Variants in PLCE1 observed in about 807,000 individuals in gnomAD.
The protein encoded by PLCE1 is phospholipase C epsilon 1.
In PLCE1, 119 loss-of-function variants were observed where a neutral mutation model predicts 242.8. The ratio of observed to expected loss-of-function variants is 0.49; its 90% CI spans 0.42 to 0.57. PLCE1 has a LOEUF of 0.57. Among genes scored for constraint, PLCE1 ranks in the 20% least tolerant of loss-of-function variants. The pLI, the probability that PLCE1 is intolerant of heterozygous loss-of-function variation, is 0.00. For synonymous variants in PLCE1, 945 were observed against 1,017.4 expected (o/e 0.93, Z 1.35); for missense variants, 2,441 against 2,788.8 (o/e 0.88, Z 2.81).
chr10:94,277,432 T>C (rs191075021), intron 19 of PLCE1, among the ~76,000 whole-genome samples: 2 of 152,274 alleles, frequency 1.3e-5, no homozygotes, highest in African/African-American at 4.8e-5. Flanking sequence ...AAGTAGGATA[T>C]TGCATAGAAG....
intron 5 of PLCE1, among the ~76,000 whole-genome samples, chr10:94,229,785 TTG>T (rs2050080941): frequency 6.6e-6 from 1 of 152,234 alleles, no homozygotes; most frequent in African/African-American, 2.4e-5. Flanking sequence ...CCAGTGCATT[TTG>T]TCTCACACCC....
chr10:94,163,401 C>T (rs2047682595), intron 3 of PLCE1, among the ~76,000 whole-genome samples: 1 of 152,140 alleles, frequency 6.6e-6, no homozygotes, highest in South Asian at 2.1e-4. Flanking sequence ...ATCCCTTTAC[C>T]ATTATGTAAT....
At chr10:94,189,347 A>G (rs569050835) in intron 4 of PLCE1, among the ~76,000 whole-genome samples, 2 of 150,260 alleles carry the variant, frequency 1.3e-5, no homozygotes, top group South Asian at 4.2e-4. Context: ...ATATAAAGGA[A>G]AAAAGATTCA....
At chr10:94,105,060 G>A (rs1042676244) in intron 2 of PLCE1, 1 of 152,176 alleles carries the variant, frequency 6.6e-6, no homozygotes, top group Non-Finnish European at 1.5e-5. Context: ...GAGGAAGGAA[G>A]CCCCATTCAT....
intron 1 of PLCE1, among the ~76,000 whole-genome samples, chr10:94,029,939 CA>C (rs2061524412): frequency 6.6e-6 from 1 of 152,120 alleles, no homozygotes; most frequent in Non-Finnish European, 1.5e-5. Context: ...TGTGTTTCCA[CA>C]TTGGATAGAA....
In PLCE1 at chr10:94,032,506, G is replaced by C. The variant is rs375940614; in HGVS notation, c.1206+254G>C. On this transcript the variant is annotated intron_variant, in intron 2 of 32. Transcript: ENST00000371380. ...AGTGGAGGAATTAGGGAGATTTCCT[G>C]GTAGTGGAAAAATGGCTCCATTTGT... Among the ~76,000 whole-genome samples, 7 of 152,168 alleles carry C rather than the reference G, an allele frequency of 4.6e-5. No individual in the cohort carries two copies. In the East Asian group the frequency reaches 1.4e-3, roughly 29 times the overall value.
At position 94,283,835 on chromosome 10, in the gene PLCE1, A is replaced by G; in HGVS notation, c.4841A>G (p.Lys1614Arg). The G allele has an allele frequency of 6.2e-7, 1 of 1,612,348 alleles. No individual in the cohort carries two copies. Among genetic ancestry groups the G allele is most frequent in the Non-Finnish European group, 8.5e-7 (1 of 1,178,676 alleles). Reference protein sequence around the residue: ...DRPENKSCNDKLQFEYNEEIP... With the variant: ...DRPENKSCNDRLQFEYNEEIP... Reference sequence around the variant, plus strand: ...CCTGAAAATAAATCATGTAATGACAAGCTTCAGTTTGAATATAATGAAGAA... The same window carrying G: ...CCTGAAAATAAATCATGTAATGACAGGCTTCAGTTTGAATATAATGAAGAA... Residue 1614 changes from lysine to arginine, a missense_variant, in exon 21 of 33, where the codon AAG becomes AGG. By Grantham distance (26) the Lys-to-Arg change is conservative (BLOSUM62 2). Around this residue, in one of 5 missense-constraint regions of PLCE1, gnomAD observed 1,004 missense variants for 1,322.7 expected, o/e 0.76. Transcript: ENST00000371380.
chr10:94,140,891 G>A (rs531697854), intron 3 of PLCE1, among the ~76,000 whole-genome samples: 1 of 152,320 alleles, frequency 6.6e-6, no homozygotes, highest in East Asian at 1.9e-4. Context: ...AATATTGGGT[G>A]TGTTTCTCTA....
chr10:94,303,096 C>G (rs1755865678), intron 24 of PLCE1, among the ~76,000 whole-genome samples: 1 of 152,202 alleles, frequency 6.6e-6, no homozygotes, highest in African/African-American at 2.4e-5. Context: ...TTTCATATGT[C>G]TAAGACATCT....
intron 16 of PLCE1, among the ~76,000 whole-genome samples, chr10:94,267,944 C>G (rs541734267): frequency 1.8e-4 from 27 of 152,266 alleles, no homozygotes; most frequent in African/African-American, 6.5e-4. Flanking sequence ...CCACTAAGCC[C>G]CAGTAATGGA....
chr10:94,060,990 C>T (rs986680717), intron 2 of PLCE1, among the ~76,000 whole-genome samples: 2 of 152,072 alleles, frequency 1.3e-5, no homozygotes, highest in East Asian at 1.9e-4. Context: ...TGAGCCACCA[C>T]GCCCAGCCTG....
At chr10:94,136,821 A>G (rs1031630888) in intron 3 of PLCE1, among the ~76,000 whole-genome samples, 1 of 152,226 alleles carries the variant, frequency 6.6e-6, no homozygotes, top group Non-Finnish European at 1.5e-5. Flanking sequence ...TGCCCTTATC[A>G]TAAGTGTGTG....
chr10:94,062,096 G>A (rs2044069861), intron 2 of PLCE1, among the ~76,000 whole-genome samples: 2 of 152,228 alleles, frequency 1.3e-5, no homozygotes, highest in African/African-American at 4.8e-5. Context: ...AATACTTGAT[G>A]TACATAGTAA....
chr10:94,079,062 T>C (rs1409012666), intron 2 of PLCE1, among the ~76,000 whole-genome samples: 1 of 152,196 alleles, frequency 6.6e-6, no homozygotes, highest in Non-Finnish European at 1.5e-5. Context: ...GTTTTAATAT[T>C]TCTATTAAAC....
chr10:94,029,188 C>T (rs1324077140), intron 1 of PLCE1, among the ~76,000 whole-genome samples: 1 of 152,096 alleles, frequency 6.6e-6, no homozygotes, highest in Non-Finnish European at 1.5e-5. Flanking sequence ...AAAATGTTTT[C>T]CCCTTCTCCT....
At chr10:94,242,594 A>G (rs966413239) in intron 7 of PLCE1, among the ~76,000 whole-genome samples, 12 of 152,200 alleles carry the variant, frequency 7.9e-5, no homozygotes, top group African/African-American at 1.7e-4. Context: ...TACAGATGTG[A>G]GCCACTGCGC....
intron 2 of PLCE1, among the ~76,000 whole-genome samples, chr10:94,101,615 C>G (rs540707198): frequency 6.6e-6 from 1 of 152,288 alleles, no homozygotes; most frequent in Admixed American, 6.5e-5. Flanking sequence ...ACCTCCTGTC[C>G]ATGGGGTGAG....
intron 14 of PLCE1, among the ~76,000 whole-genome samples, chr10:94,263,287 G>T (rs2051378362): frequency 6.6e-6 from 1 of 152,076 alleles, no homozygotes; most frequent in Non-Finnish European, 1.5e-5. Context: ...GCTGAGGCCG[G>T]TGGATCACCT....
Position 94,030,860 on chromosome 10 carries a change from G to A in PLCE1, c.-187G>A. Reference sequence around the variant, plus strand: ...CTAGAAAAAATATATATTCATGATAGGAAGTTATAACTAAGAAAATTTATT... The same window carrying A: ...CTAGAAAAAATATATATTCATGATAAGAAGTTATAACTAAGAAAATTTATT... On this transcript the variant is annotated 5_prime_UTR_variant, in exon 2 of 33. Coordinates refer to ENST00000371380, the MANE Select transcript of PLCE1 (RefSeq NM_016341.4). 1.6e-6 allele frequency: 1 copy of A among 622,374 alleles called. No individual in the cohort carries two copies. The highest frequency in any genetic ancestry group is 2.0e-5 in the South Asian group (1 of 50,758). 38.6% of individuals were successfully genotyped at this position (622,374 alleles called of 1,614,324 possible).
Sources: allele counts gnomAD v4.1 joint callset (sites outside exome capture counted in the v4.1 genomes callset), GRCh38; gene constraint gnomAD v4.1.1; regional missense constraint gnomAD v4.1.1; transcripts MANE v1.5; gene names NCBI Gene and HGNC (gene_info 2026-07-23, HGNC 2026-07-21).